The following SPRED2 variants were observed in gnomAD, a reference collection of about 807,000 sequenced individuals.
SPRED2 encodes sprouty related EVH1 domain containing 2, also known as sprouty-related, EVH1 domain-containing protein 2.
SPRED2 carries 47 observed loss-of-function variants against 43.0 expected under a neutral mutation model. That is an observed-to-expected ratio of 1.09 (90% confidence interval 0.87 to 1.40). The LOEUF (loss-of-function observed/expected upper bound fraction) is 1.40, where lower values mean the gene tolerates loss of function less well. SPRED2 is among the 40% of genes most tolerant of loss of function. The pLI is 0.00. For synonymous variants in SPRED2, 225 were observed against 225.7 expected, an observed-to-expected ratio of 1.00 and a Z score of 0.03; for missense variants, 561 against 586.4, an observed-to-expected ratio of 0.96 and a Z score of 0.45.
intron 2 of SPRED2, among the ~76,000 whole-genome samples, chr2:65,337,376 G>T (rs1673996578): frequency 6.6e-6 from 1 of 151,552 alleles, no homozygotes; most frequent in Admixed American, 6.6e-5. Context: ...TGCATACGGA[G>T]AAAAAAAGTG....
Position 65,420,232 on chromosome 2 carries a change from A to G in SPRED2, c.26+11730T>C, listed in dbSNP as rs1019625281. ...CTCAAAAAAAAAAAAAAAAAAAAAAAAGGAAAAATATGACAACCTAATGAA... is the reference window on the plus strand; with the variant it reads ...CTCAAAAAAAAAAAAAAAAAAAAAAGAGGAAAAATATGACAACCTAATGAA... On this transcript the variant is annotated intron_variant, in intron 1 of 5. Transcript: ENST00000356388. 8.7e-5 allele frequency among the ~76,000 whole-genome samples: 13 copies of G among 149,506 alleles called. No individual in the cohort carries two copies. The East Asian group carries it at 2.6e-3, about 30-fold the overall frequency.
chr2:65,323,602 C>T lies in SPRED2; in HGVS notation c.439-6719G>A, dbSNP rs116335625. On this transcript the variant is annotated intron_variant, in intron 4 of 5. Transcript: ENST00000356388. ...AAAAAAAAATCCATCCCTGGCCAGG[C>T]GCGGTGACTCACGCCTGTAATCTCA... Among the ~76,000 whole-genome samples the T allele has an allele frequency of 4.9e-3, 735 of 151,194 alleles. 10 individuals are homozygous for T. Among genetic ancestry groups the T allele is most frequent in the African/African-American group, 0.017 (703 of 41,228 alleles).
At chr2:65,390,887 C>T (rs1675618409) in intron 1 of SPRED2, among the ~76,000 whole-genome samples, 1 of 151,986 alleles carries the variant, frequency 6.6e-6, no homozygotes, top group Non-Finnish European at 1.5e-5. Context: ...GAGTTTGAGA[C>T]CAGCCTAGGC....
intron 1 of SPRED2, among the ~76,000 whole-genome samples, chr2:65,417,609 G>A (rs1225672407): frequency 6.6e-6 from 1 of 152,118 alleles, no homozygotes; most frequent in Non-Finnish European, 1.5e-5. Context: ...ATCTCCTGAG[G>A]GTTCAGTAAC....
chr2:65,344,797 C>A lies in SPRED2; in HGVS notation c.126G>T (p.Gly42=), dbSNP rs768122400. 1 of 1,614,116 alleles carries A rather than the reference C, an allele frequency of 6.2e-7. No individual in the cohort carries two copies. The highest frequency in any genetic ancestry group is 1.1e-5 in the South Asian group (1 of 91,072). ...PQEGGGISRV[G]VCKVMHPEGN... is the part of the protein sequence containing the mutation. Reference sequence around the variant, plus strand: ...CTTCGGGGTGCATGACCTTACAGACCCCGACGCGACTGATCCCGCCTCCTT... The same window carrying A: ...CTTCGGGGTGCATGACCTTACAGACACCGACGCGACTGATCCCGCCTCCTT... The change falls in exon 2 of 6, where the codon GGG becomes GGT. Residue 42 remains glycine, a synonymous_variant. Coordinates refer to ENST00000356388, the MANE Select transcript of SPRED2 (RefSeq NM_181784.3).
chr2:65,392,913 A>G (rs989370059), intron 1 of SPRED2, among the ~76,000 whole-genome samples: 1 of 152,176 alleles, frequency 6.6e-6, no homozygotes, highest in South Asian at 2.1e-4. Context: ...CAGCACATGG[A>G]CCAGCACGGG....
chr2:65,329,230 T>G (rs1014483214), intron 4 of SPRED2, among the ~76,000 whole-genome samples: 3 of 152,190 alleles, frequency 2.0e-5, no homozygotes, highest in African/African-American at 7.2e-5. Context: ...GCTAAAGCAG[T>G]GCTCATGTCC....
rs2104091265 is a variant in SPRED2 at position 65,311,475 on chromosome 2, G to C, written c.*2026C>G. ...GTGCGTTCTTATTGAAATAAATAGG[G>C]GCACTTGAACTGAGGTCTAAGGAAA... On this transcript the variant is annotated 3_prime_UTR_variant, in exon 6 of 6. Coordinates refer to ENST00000356388, the MANE Select transcript of SPRED2 (RefSeq NM_181784.3). 2.0e-6 allele frequency: 2 copies of C among 985,790 alleles called. No individual in the cohort carries two copies. The highest frequency in any genetic ancestry group is 2.4e-6 in the Non-Finnish European group (2 of 829,928). The allele number at this position is 985,790 out of a possible 1,614,324, so 61.1% of individuals were successfully genotyped here. A position where few individuals can be genotyped will look rare whatever the true frequency, so the allele number is the denominator to read the frequency against.
At chr2:65,330,926 C>T (rs1673793376) in intron 4 of SPRED2, among the ~76,000 whole-genome samples, 1 of 152,078 alleles carries the variant, frequency 6.6e-6, no homozygotes, top group Admixed American at 6.5e-5. Context: ...CAGGCATTCA[C>T]TGTACTATTC....
chr2:65,400,690 T>C (rs1376569255), intron 1 of SPRED2, among the ~76,000 whole-genome samples: 2 of 152,128 alleles, frequency 1.3e-5, no homozygotes. Context: ...TTTGGTGTTC[T>C]CTCTCTCCTT....
chr2:65,389,382 C>A (rs1558680758), intron 1 of SPRED2, among the ~76,000 whole-genome samples: 1 of 152,066 alleles, frequency 6.6e-6, no homozygotes, highest in Non-Finnish European at 1.5e-5. Context: ...TCCTCTTACC[C>A]CTGAAGGGTG....
At chr2:65,319,745 C>T (rs10170788) in intron 4 of SPRED2, among the ~76,000 whole-genome samples, 54,084 of 151,970 alleles carry the variant, frequency 0.36, 11,184 homozygotes, top group East Asian at 0.76. Flanking sequence ...TACTTGTGGA[C>T]ACGGTTCCTC....
intron 1 of SPRED2, chr2:65,366,686 C>T (rs1228706861): frequency 2.0e-6 from 3 of 1,536,466 alleles, no homozygotes; most frequent in African/African-American, 2.8e-5. Context: ...TGGATCGTCT[C>T]TTGCTGACCT....
At chr2:65,362,273 G>T (rs543030374) in intron 1 of SPRED2, among the ~76,000 whole-genome samples, 180 of 151,382 alleles carry the variant, frequency 1.2e-3, no homozygotes, top group African/African-American at 3.3e-3. Flanking sequence ...GTTTTTTTTT[G>T]TTTTTGTTTT....
chr2:65,325,292 T>C (rs907697514), intron 4 of SPRED2, among the ~76,000 whole-genome samples: 1 of 152,126 alleles, frequency 6.6e-6, no homozygotes, highest in African/African-American at 2.4e-5. Context: ...ACCAGCCCAT[T>C]TGGGAGATCA....
rs193072768 is a variant in SPRED2, at chr2:65,322,557, T to C, written c.439-5674A>G. ...ATCCACCTGCCTTGGCCTCCCAAAG[T>C]GCTGGGATTACAGGCGTGAGCCACC... On this transcript the variant is annotated intron_variant, in intron 4 of 5. Transcript: ENST00000356388. Among the ~76,000 whole-genome samples, 5 of 152,134 alleles carry C rather than the reference T, an allele frequency of 3.3e-5. No homozygotes were observed. In the East Asian group the frequency reaches 7.7e-4, roughly 24 times the overall value.
chr2:65,365,545 GCTCT>G (rs1674947262), intron 1 of SPRED2, among the ~76,000 whole-genome samples: 1 of 152,176 alleles, frequency 6.6e-6, no homozygotes, highest in African/African-American at 2.4e-5. Context: ...TCTGTTTAAT[GCTCT>G]CTGAGTGATA....
intron 4 of SPRED2, among the ~76,000 whole-genome samples, chr2:65,319,211 G>GTT (rs1673335873): frequency 6.6e-6 from 1 of 152,128 alleles, no homozygotes; most frequent in Non-Finnish European, 1.5e-5. Context: ...CTCTACTTGG[G>GTT]TTTGGTCTAT....
At chr2:65,380,940 C>CA (rs1675359459) in intron 1 of SPRED2, among the ~76,000 whole-genome samples, 1 of 152,180 alleles carries the variant, frequency 6.6e-6, no homozygotes, top group South Asian at 2.1e-4. Flanking sequence ...ATGACATTGA[C>CA]ATGCCAAGTA....
Sources: gnomAD v4.1 joint callset for allele counts (sites outside exome capture counted in the v4.1 genomes callset) on GRCh38, gnomAD v4.1.1 for gene constraint, MANE v1.5 for transcripts, NCBI Gene and HGNC (gene_info 2026-07-23, HGNC 2026-07-21) for gene names.